Variants in DGLUCY observed in about 807,000 individuals in gnomAD.
DGLUCY encodes D-glutamate cyclase, mitochondrial.
DGLUCY carries 58 observed loss-of-function variants against 58.5 expected under a neutral mutation model. That is an observed-to-expected ratio of 0.99 (90% CI 0.80 to 1.23). The LOEUF is 1.23. DGLUCY is among the 50% of genes most tolerant of loss of function. The probability of loss-of-function intolerance (pLI) is 0.00; values close to 1 mark genes in which losing one functional copy is unlikely to be tolerated. For synonymous variants in DGLUCY, 325 were observed against 314.1 expected, an observed-to-expected ratio of 1.03 and a Z score of -0.37; for missense variants, 779 against 784.7, an observed-to-expected ratio of 0.99 and a Z score of 0.09.
chr14:91,107,517 C>CA (rs1002124932), upstream of DGLUCY, among the ~76,000 whole-genome samples: 83 of 149,362 alleles, frequency 5.6e-4, no homozygotes, highest in African/African-American at 1.6e-3. Flanking sequence ...GACTCCATCT[C>CA]AAAAAAAAAT....
intron 1 of DGLUCY, among the ~76,000 whole-genome samples, chr14:91,139,964 A>G (rs2046558107): frequency 6.6e-6 from 1 of 152,122 alleles, no homozygotes; most frequent in Admixed American, 6.6e-5. Flanking sequence ...GTTGCAAGAG[A>G]AAGGGAGCAG....
chr14:91,076,717 T>G (rs1007099688), intron 1 of DGLUCY, among the ~76,000 whole-genome samples: 1 of 152,088 alleles, frequency 6.6e-6, no homozygotes, highest in Non-Finnish European at 1.5e-5. Flanking sequence ...GAATCCAGGA[T>G]TCTAGGCAGA....
chr14:91,163,932 G>A (rs571510585), intron 3 of DGLUCY, among the ~76,000 whole-genome samples: 20 of 152,082 alleles, frequency 1.3e-4, no homozygotes, highest in African/African-American at 4.6e-4. Flanking sequence ...GTCCTCAAGG[G>A]TATTCTCCAA....
chr14:91,080,166 A>G (rs2044099787), intron 1 of DGLUCY, among the ~76,000 whole-genome samples: 1 of 152,182 alleles, frequency 6.6e-6, no homozygotes, highest in Admixed American at 6.5e-5. Context: ...TATATATACC[A>G]TACATTCTGC....
chr14:91,179,394 G>A (rs2049032554), intron 7 of DGLUCY, among the ~76,000 whole-genome samples: 2 of 151,860 alleles, frequency 1.3e-5, no homozygotes. Flanking sequence ...AGGCCGCAGT[G>A]AGCTGTGTTG....
intron 1 of DGLUCY, among the ~76,000 whole-genome samples, chr14:91,157,248 T>C (rs1372352177): frequency 2.8e-4 from 33 of 118,832 alleles, no homozygotes; most frequent in African/African-American, 1.0e-3. Context: ...GATGGATGGA[T>C]GGATGGATGA....
rs760799116 is a variant in DGLUCY, at chr14:91,199,850, C to G, written c.1389C>G (p.Asp463Glu). Residue 463 changes from aspartate (D) to glutamate (E), a missense_variant, in exon 11 of 14, where the codon GAC becomes GAG. Transcript: ENST00000256324. ...AGATGAACATCAAGCACTTGGTTGA[C>G]CCCATTGACGATCTTTTTCTTGCTG... ...ARKMNIKHLV[D>E]PIDDLFLAAK... is the part of the protein sequence containing the mutation. The G allele has an allele frequency of 1.2e-6, 2 of 1,614,164 alleles. No homozygotes were observed. The highest frequency in any genetic ancestry group is 8.5e-7 in the Non-Finnish European group (1 of 1,180,022).
At chr14:91,181,496 CA>C in intron 8 of DGLUCY, 107 bp downstream of exon 8, 1 of 1,136,608 alleles carries the variant, frequency 8.8e-7, no homozygotes, top group Non-Finnish European at 1.2e-6. Flanking sequence ...AAAATGTATC[CA>C]CAGGATGATT....
rs2043961010 is a variant in DGLUCY, at chr14:91,073,702, C to G, written c.-82+12998C>G. Among the ~76,000 whole-genome samples, 4 of 152,068 alleles carry G rather than the reference C, an allele frequency of 2.6e-5. No homozygotes were observed. The South Asian group carries it at 8.3e-4, about 31-fold the overall frequency. Reference sequence around the variant, plus strand: ...GACCAAGTGGAAAGGCCCTGAGGAGCAGCCTCTAGGAGTTAAGAGCCGCTC... The same window carrying G: ...GACCAAGTGGAAAGGCCCTGAGGAGGAGCCTCTAGGAGTTAAGAGCCGCTC... On this transcript the variant is annotated intron_variant, in intron 1 of 4. Transcript: ENST00000521334.
intron 1 of DGLUCY, among the ~76,000 whole-genome samples, chr14:91,063,784 A>G (rs2043772927): frequency 6.6e-6 from 1 of 152,208 alleles, no homozygotes; most frequent in Admixed American, 6.5e-5. Flanking sequence ...GCTCTTATTA[A>G]TATTTTTGGA....
chr14:91,100,557 G>A (rs946157094), intron 1 of DGLUCY, among the ~76,000 whole-genome samples: 2 of 152,192 alleles, frequency 1.3e-5, no homozygotes, highest in Admixed American at 6.5e-5. Context: ...TTACAGGTGA[G>A]CATTGACATC....
At chr14:91,090,637 A>G (rs1261563815) in intron 1 of DGLUCY, among the ~76,000 whole-genome samples, 1 of 152,170 alleles carries the variant, frequency 6.6e-6, no homozygotes, top group Non-Finnish European at 1.5e-5. Flanking sequence ...ATGTCAGGAA[A>G]GTCCACTGGT....
intron 3 of DGLUCY, among the ~76,000 whole-genome samples, chr14:91,162,869 C>T (rs573295444): frequency 6.0e-5 from 9 of 151,138 alleles, no homozygotes; most frequent in Non-Finnish European, 1.3e-4. Flanking sequence ...TGCACTCCAG[C>T]CTGGGCGACA....
At chr14:91,102,743 A>ATG (rs548653144) in intron 1 of DGLUCY, among the ~76,000 whole-genome samples, 6,316 of 130,538 alleles carry the variant, frequency 0.048, 212 homozygotes, top group Middle Eastern at 0.056. Flanking sequence ...TCCAGTGTGT[A>ATG]TGTGTGTGTG....
chr14:91,217,003 G>C (rs1330200755), intron 13 of DGLUCY, among the ~76,000 whole-genome samples: 2 of 152,204 alleles, frequency 1.3e-5, no homozygotes, highest in South Asian at 2.1e-4. Flanking sequence ...GGCCCTCTTA[G>C]AGCAAGCTCC....
chr14:91,165,827 A>G (rs2048251971), intron 3 of DGLUCY, among the ~76,000 whole-genome samples: 1 of 152,252 alleles, frequency 6.6e-6, no homozygotes, highest in South Asian at 2.1e-4. Flanking sequence ...AAAGTTGCAC[A>G]TGTGTATAAC....
In DGLUCY at chr14:91,093,624, G is replaced by A. The variant is rs141876084; in HGVS notation, c.-82+32920G>A. On this transcript the variant is annotated intron_variant, in intron 1 of 4. Coordinates refer to the DGLUCY transcript ENST00000521334. ...AGTTTGAGACCAGCTGGCCAACATG[G>A]CAAAACCCTATCTCTACTAAAAATA... 2.0e-4 allele frequency among the ~76,000 whole-genome samples: 31 copies of A among 152,166 alleles called. 1 individual carries two copies. In the Middle Eastern group the frequency reaches 0.014, roughly 67 times the overall value.
intron 9 of DGLUCY, among the ~76,000 whole-genome samples, chr14:91,193,646 G>A (rs1040400917): frequency 7.2e-5 from 11 of 152,094 alleles, no homozygotes; most frequent in African/African-American, 2.7e-4. Flanking sequence ...TTTGAGACCA[G>A]CCTGGCCAAC....
chr14:91,069,002 A>C (rs1421655985), intron 1 of DGLUCY, among the ~76,000 whole-genome samples: 2 of 152,246 alleles, frequency 1.3e-5, no homozygotes, highest in African/African-American at 4.8e-5. Context: ...TTGTGTTATT[A>C]GGGAAGAGTG....
Sources: allele counts gnomAD v4.1 joint callset (sites outside exome capture counted in the v4.1 genomes callset), GRCh38; gene constraint gnomAD v4.1.1; transcripts MANE v1.5; gene names NCBI Gene and HGNC (gene_info 2026-07-23, HGNC 2026-07-21).